The following CDH18 variants were observed in gnomAD, a reference collection of about 807,000 sequenced individuals.
CDH18 encodes the protein cadherin 18.
In CDH18, 31 loss-of-function variants were observed where a neutral mutation model predicts 67.9. The ratio of observed to expected loss-of-function variants is 0.46; its 90% CI spans 0.34 to 0.62. The LOEUF (loss-of-function observed/expected upper bound fraction) is 0.62, where lower values mean the gene tolerates loss of function less well. CDH18 is among the 20% of genes least tolerant of loss of function. CDH18 has a pLI of 0.01. For synonymous variants in CDH18, 362 were observed against 347.2 expected, an observed-to-expected ratio of 1.04 and a Z score of -0.48; for missense variants, 890 against 975.5, an observed-to-expected ratio of 0.91 and a Z score of 1.17.
At chr5:19,701,773 G>GCAGAC (rs1483663352) in intron 5 of CDH18, among the ~76,000 whole-genome samples, 1 of 152,060 alleles carries the variant, frequency 6.6e-6, no homozygotes, top group Middle Eastern at 3.2e-3. Flanking sequence ...TGGCCATCAA[G>GCAGAC]CAGACCAGAC....
chr5:20,503,549 C>T (rs1194021342), intron 1 of CDH18, among the ~76,000 whole-genome samples: 1 of 152,090 alleles, frequency 6.6e-6, no homozygotes, highest in East Asian at 1.9e-4. Context: ...TATCTCTACT[C>T]ATATATCAGA....
chr5:19,778,036 G>T (rs951665079), intron 3 of CDH18, among the ~76,000 whole-genome samples: 5 of 151,998 alleles, frequency 3.3e-5, no homozygotes, highest in African/African-American at 1.2e-4. Context: ...TTTTAATCAA[G>T]AAGAAAAAGA....
At chr5:20,143,957 G>A (rs1312486253) in intron 2 of CDH18, among the ~76,000 whole-genome samples, 1 of 152,170 alleles carries the variant, frequency 6.6e-6, no homozygotes, top group Non-Finnish European at 1.5e-5. Context: ...CATGAAAGGT[G>A]TGTGGAGGCC....
rs148677709 is a variant in CDH18 at position 20,507,497 on chromosome 5, G to T, written c.-580+67965C>A. On this transcript the variant is annotated intron_variant, in intron 1 of 14. Transcript: ENST00000507958. ...GGATAGAGATGTAGTTATGGATATA[G>T]ATTTTCATGAGAACACATTTAGGTT... 2.2e-3 allele frequency among the ~76,000 whole-genome samples: 339 copies of T among 152,214 alleles called. 2 individuals are homozygous for T. The highest frequency in any genetic ancestry group is 3.5e-3 in the Non-Finnish European group (236 of 68,004).
intron 2 of CDH18, among the ~76,000 whole-genome samples, chr5:19,939,222 C>T (rs1324251479): frequency 6.6e-6 from 1 of 151,328 alleles, no homozygotes; most frequent in East Asian, 1.9e-4. Flanking sequence ...AATTATTCAA[C>T]AACAGTTAAT....
intron 2 of CDH18, among the ~76,000 whole-genome samples, chr5:20,216,934 C>T (rs987809741): frequency 3.9e-5 from 6 of 151,988 alleles, no homozygotes; most frequent in African/African-American, 1.2e-4. Flanking sequence ...CGGGCAGCAG[C>T]AGTGTTCTCA....
intron 3 of CDH18, among the ~76,000 whole-genome samples, chr5:19,812,872 A>G (rs1205743220): frequency 6.6e-6 from 1 of 152,174 alleles, no homozygotes; most frequent in African/African-American, 2.4e-5. Flanking sequence ...CACAATAACA[A>G]AAGACTTGGA....
At chr5:20,351,083 C>A (rs182668991) in intron 1 of CDH18, among the ~76,000 whole-genome samples, 1 of 151,994 alleles carries the variant, frequency 6.6e-6, no homozygotes, top group East Asian at 1.9e-4. Flanking sequence ...TTGCACCTCC[C>A]AGCACAATCA....
At chr5:20,254,655 T>C (rs1332932535) in intron 2 of CDH18, among the ~76,000 whole-genome samples, 1 of 152,208 alleles carries the variant, frequency 6.6e-6, no homozygotes, top group Non-Finnish European at 1.5e-5. Context: ...AGAACTCTTA[T>C]TCGTGTTGGT....
At chr5:20,121,309 G>T (rs1271864905) in intron 2 of CDH18, among the ~76,000 whole-genome samples, 2 of 152,118 alleles carry the variant, frequency 1.3e-5, no homozygotes, top group Non-Finnish European at 2.9e-5. Context: ...AAGTCATTGA[G>T]GCTACAGGAA....
chr5:20,133,462 C>T (rs145921059), intron 2 of CDH18, among the ~76,000 whole-genome samples: 4 of 152,242 alleles, frequency 2.6e-5, no homozygotes, highest in Non-Finnish European at 4.4e-5. Flanking sequence ...TGGATCCCTC[C>T]CATGACAGGT....
chr5:20,417,415 AG>A (rs1747404740), intron 1 of CDH18, among the ~76,000 whole-genome samples: 1 of 152,188 alleles, frequency 6.6e-6, no homozygotes, highest in African/African-American at 2.4e-5. Context: ...AGATAGAAAA[AG>A]TATATGACTC....
At chr5:19,963,948 TCAATATCAAGAC>T in intron 2 of CDH18, among the ~76,000 whole-genome samples, 1 of 151,982 alleles carries the variant, frequency 6.6e-6, no homozygotes, top group Non-Finnish European at 1.5e-5. Context: ...GGGAACTAAC[TCAATATCAAGAC>T]ATTAGCATAG....
At chr5:19,680,668 C>T (rs989137923) in intron 5 of CDH18, among the ~76,000 whole-genome samples, 3 of 151,830 alleles carry the variant, frequency 2.0e-5, no homozygotes, top group Non-Finnish European at 4.4e-5. Flanking sequence ...GAAAAAAATA[C>T]TCAAAATCAC....
chr5:20,151,601 C>A (rs1250859585), intron 2 of CDH18, among the ~76,000 whole-genome samples: 3 of 152,104 alleles, frequency 2.0e-5, no homozygotes, highest in Admixed American at 1.3e-4. Context: ...TACATTCTCA[C>A]CAACAGTATA....
At chr5:19,484,031 T>C (rs964385984) in intron 11 of CDH18, among the ~76,000 whole-genome samples, 2 of 152,210 alleles carry the variant, frequency 1.3e-5, no homozygotes, top group Non-Finnish European at 2.9e-5. Flanking sequence ...TATATAATAT[T>C]TCTATGGAGA....
At chr5:19,997,048 T>A (rs1201536822) in intron 2 of CDH18, among the ~76,000 whole-genome samples, 1 of 152,090 alleles carries the variant, frequency 6.6e-6, no homozygotes, top group Non-Finnish European at 1.5e-5. Context: ...TTCCATAAGC[T>A]ATGTAAGGAT....
rs974528569 is a variant in CDH18, at chr5:19,485,535, G to T, written c.1631-1983C>A. 2.6e-5 allele frequency among the ~76,000 whole-genome samples: 4 copies of T among 152,266 alleles called. No homozygotes were observed. In the East Asian group the frequency reaches 5.8e-4, roughly 22 times the overall value. On this transcript the variant is annotated intron_variant, in intron 11 of 12. Coordinates refer to ENST00000382275, the MANE Select transcript of CDH18 (RefSeq NM_004934.5). ...CTCCCAAAGTGCTGGGATTACAGGC[G>T]TGAGCCACTGCGCCTGGCCAGCTGT...
chr5:19,730,183 T>C (rs1767403586), intron 4 of CDH18, among the ~76,000 whole-genome samples: 1 of 152,194 alleles, frequency 6.6e-6, no homozygotes, highest in Admixed American at 6.5e-5. Flanking sequence ...GCCATACTGC[T>C]GCAGTGATTG....
Sources: gnomAD v4.1 joint callset for allele counts (sites outside exome capture counted in the v4.1 genomes callset) on GRCh38, gnomAD v4.1.1 for gene constraint, MANE v1.5 for transcripts, NCBI Gene and HGNC (gene_info 2026-07-23, HGNC 2026-07-21) for gene names.